Variants in NCALD observed in about 807,000 individuals in gnomAD.
The protein encoded by NCALD is neurocalcin-delta.
Under a neutral mutation model 18.6 loss-of-function variants are expected in NCALD, and 10 were observed. The observed-to-expected ratio is 0.54, with a 90% CI of 0.33 to 0.91. The LOEUF (loss-of-function observed/expected upper bound fraction) is 0.91. Ranked by LOEUF, NCALD falls within the 40% of genes least tolerant of loss-of-function variation. NCALD has a pLI of 0.03. For synonymous variants in NCALD, 88 were observed against 87.4 expected (o/e 1.01, Z -0.04); for missense variants, 184 against 247.6 (o/e 0.74, Z 1.72).
chr8:101,864,259 C>T (rs953052590), intron 4 of NCALD, among the ~76,000 whole-genome samples: 14 of 152,050 alleles, frequency 9.2e-5, no homozygotes, highest in Non-Finnish European at 1.6e-4. Flanking sequence ...TTTCAAGAGG[C>T]TAACTGTGTG....
chr8:101,954,266 T>C (rs984963629), intron 2 of NCALD, among the ~76,000 whole-genome samples: 1 of 152,184 alleles, frequency 6.6e-6, no homozygotes, highest in Non-Finnish European at 1.5e-5. Context: ...CAGGACTTTG[T>C]TCAGGCCAGA....
chr8:101,689,345 G>A lies in NCALD; in HGVS notation c.546C>T (p.Leu182=). The A allele has an allele frequency of 1.9e-6, 3 of 1,613,768 alleles. No individual in the cohort carries two copies. The highest frequency in any genetic ancestry group is 2.5e-6 in the Non-Finnish European group (3 of 1,179,876). The change falls in exon 4 of 4, where the codon CTC becomes CTT. Residue 182 remains leucine, a synonymous_variant. Transcript: ENST00000220931. This position sits in a 1 kb window ranked among gnomAD's most constrained non-coding sequence, Gnocchi z 4.4. ...CGGCACTGCTCGGGTCGCACTGCAG[G>A]AGGCGCACAATGGACGGGTCGCTTT... The part of the protein sequence containing the change: ...GAKSDPSIVR[L]LQCDPSSAGQ...
At chr8:101,980,489 G>A (rs1056352832) in intron 2 of NCALD, among the ~76,000 whole-genome samples, 1 of 152,184 alleles carries the variant, frequency 6.6e-6, no homozygotes, top group Admixed American at 6.5e-5. Context: ...TTGGCGAAGG[G>A]TCTCAGGATA....
chr8:101,922,851 T>G (rs1818214116), intron 2 of NCALD, among the ~76,000 whole-genome samples: 1 of 152,188 alleles, frequency 6.6e-6, no homozygotes, highest in Non-Finnish European at 1.5e-5. Context: ...AGTAAGAGAT[T>G]AACCACAACC....
intron 4 of NCALD, among the ~76,000 whole-genome samples, chr8:101,838,196 G>A (rs1022768185): frequency 3.9e-5 from 6 of 152,080 alleles, no homozygotes; most frequent in African/African-American, 1.4e-4. Flanking sequence ...TAACCTTTCT[G>A]TAGTCATTGA....
At chr8:101,788,481 AAATTATGGT>A (rs1349494422) in intron 1 of NCALD, among the ~76,000 whole-genome samples, 1 of 152,176 alleles carries the variant, frequency 6.6e-6, no homozygotes, top group Non-Finnish European at 1.5e-5. Context: ...CATTACTTCA[AAATTATGGT>A]AGTTATGGTA....
chr8:102,017,017 T>C (rs551667680), intron 2 of NCALD, among the ~76,000 whole-genome samples: 1 of 152,172 alleles, frequency 6.6e-6, no homozygotes, highest in South Asian at 2.1e-4. Flanking sequence ...AGAGAAACTA[T>C]AGAAAATAAA....
chr8:102,079,323 G>A (rs982188443), intron 1 of NCALD, among the ~76,000 whole-genome samples: 3 of 152,126 alleles, frequency 2.0e-5, no homozygotes, highest in Admixed American at 1.3e-4. Flanking sequence ...ACGCATCCTG[G>A]CTATGTGAGC....
intron 2 of NCALD, among the ~76,000 whole-genome samples, chr8:101,919,414 A>G (rs1315001007): frequency 6.6e-6 from 1 of 152,216 alleles, no homozygotes; most frequent in Non-Finnish European, 1.5e-5. Context: ...TAAGACCTCA[A>G]ACTATAAGAA....
intron 4 of NCALD, among the ~76,000 whole-genome samples, chr8:101,880,351 G>A (rs765426280): frequency 6.6e-5 from 10 of 152,250 alleles, no homozygotes; most frequent in South Asian, 2.1e-4. Context: ...GCCCACGATC[G>A]CCAGGTGCAG....
chr8:101,689,520 A>C lies in NCALD; in HGVS notation c.485-114T>G, dbSNP rs1814619854. ...TTCACCTGCCTGCAGCCTCACTGCC[A>C]CTGTGACACACAGCACTCACCTGTC... On this transcript the variant is annotated intron_variant, in intron 3 of 3. Coordinates refer to ENST00000220931, the MANE Select transcript of NCALD (RefSeq NM_032041.3). This position sits in a 1 kb window ranked among gnomAD's most constrained non-coding sequence, Gnocchi z 4.4. 4.8e-5 allele frequency: 36 copies of C among 749,998 alleles called. 1 individual carries two copies. The South Asian group carries it at 5.9e-4, about 12-fold the overall frequency. 46.5% of individuals were successfully genotyped at this position (749,998 alleles called of 1,614,324 possible).
intron 2 of NCALD, among the ~76,000 whole-genome samples, chr8:101,996,911 T>TA (rs1821259452): frequency 6.6e-6 from 1 of 152,250 alleles, no homozygotes; most frequent in Non-Finnish European, 1.5e-5. Flanking sequence ...TAACTTAGGT[T>TA]AAAGCACAAG....
At chr8:101,877,038 T>G (rs907884942) in intron 4 of NCALD, among the ~76,000 whole-genome samples, 1 of 152,226 alleles carries the variant, frequency 6.6e-6, no homozygotes, top group Non-Finnish European at 1.5e-5. Flanking sequence ...ACAAAGTCTT[T>G]AAGTCTTAAG....
chr8:101,760,808 C>T (rs1811080235), intron 1 of NCALD, among the ~76,000 whole-genome samples: 1 of 152,078 alleles, frequency 6.6e-6, no homozygotes, highest in Non-Finnish European at 1.5e-5. Context: ...TAACAGCACC[C>T]CTTATACTCT....
chr8:102,062,988 C>T (rs1266619627), intron 1 of NCALD, among the ~76,000 whole-genome samples: 3 of 152,104 alleles, frequency 2.0e-5, no homozygotes. Flanking sequence ...TCCTCAAGGA[C>T]CTCCAGGGTT....
At chr8:102,118,882 T>C (rs1045588650) in intron 1 of NCALD, among the ~76,000 whole-genome samples, 1 of 152,226 alleles carries the variant, frequency 6.6e-6, no homozygotes, top group East Asian at 1.9e-4. Flanking sequence ...CCTTCAAGAA[T>C]GTGTTCAACA....
At chr8:101,972,074 A>G (rs548655474) in intron 2 of NCALD, among the ~76,000 whole-genome samples, 5 of 152,274 alleles carry the variant, frequency 3.3e-5, no homozygotes, top group African/African-American at 7.2e-5. Context: ...GATTCACTAG[A>G]GGTATGTGAG....
At chr8:102,036,438 GAA>G (rs940886813) in intron 1 of NCALD, among the ~76,000 whole-genome samples, 2 of 151,878 alleles carry the variant, frequency 1.3e-5, no homozygotes, top group African/African-American at 4.8e-5. Flanking sequence ...TAAACATATG[GAA>G]AAATACACAT....
chr8:101,760,366 T>TCAGA (rs1811061556), intron 1 of NCALD, among the ~76,000 whole-genome samples: 1 of 152,084 alleles, frequency 6.6e-6, no homozygotes, highest in Non-Finnish European at 1.5e-5. Context: ...CAGCCACCAC[T>TCAGA]CAGAGCAAGC....
Sources: allele counts gnomAD v4.1 joint callset (sites outside exome capture counted in the v4.1 genomes callset), GRCh38; gene constraint gnomAD v4.1.1; non-coding constraint Gnocchi (gnomAD v3.1); transcripts MANE v1.5; gene names NCBI Gene and HGNC (gene_info 2026-07-23, HGNC 2026-07-21).